RSPH14: variants seen among roughly 807,000 people sequenced by gnomAD.
RSPH14 encodes the protein rhabdoid tumor deletion region gene 1.
RSPH14 carries 20 observed loss-of-function variants against 26.7 expected under a neutral mutation model. The observed-to-expected ratio is 0.75, with a 90% confidence interval of 0.53 to 1.09. The LOEUF (loss-of-function observed/expected upper bound fraction) is 1.09. Among genes scored for constraint, RSPH14 ranks in the 50% least tolerant of loss-of-function variants. RSPH14 has a pLI of 0.00. For missense variants in RSPH14, 449 were observed against 457.2 expected (o/e 0.98, Z 0.16); for synonymous variants, 177 against 189.3 (o/e 0.93, Z 0.53).
intron 4 of RSPH14, among the ~76,000 whole-genome samples, chr22:23,129,847 G>A (rs2146423430): frequency 6.6e-6 from 1 of 151,956 alleles, no homozygotes; most frequent in East Asian, 1.9e-4. Flanking sequence ...TTGAACCTGG[G>A]AGGTGGAGTT....
chr22:23,172,660 A>T, the RSPH14 span, among the ~76,000 whole-genome samples: 1 of 148,654 alleles, frequency 6.7e-6, no homozygotes, highest in Non-Finnish European at 1.5e-5. Context: ...CTCAAAAAAA[A>T]AAAAAAAGAC....
intron 4 of RSPH14, among the ~76,000 whole-genome samples, chr22:23,070,071 A>C (rs952680013): frequency 6.6e-6 from 1 of 152,068 alleles, no homozygotes. Flanking sequence ...AGCGCAGCGG[A>C]GTCGGTGGAA....
Position 23,063,948 on chromosome 22 carries a change from T to G in RSPH14, c.607A>C (p.Asn203His). The G allele has an allele frequency of 6.2e-7, 1 of 1,614,168 alleles. No homozygotes were observed. The highest frequency in any genetic ancestry group is 2.2e-5 in the East Asian group (1 of 44,874). The change falls in exon 5 of 7, where the codon AAC (asparagine) becomes CAC (histidine). Residue 203 changes from asparagine (N) to histidine (H), a missense_variant. Physicochemically the swap from Asn to His is moderately conservative, Grantham distance 68 (BLOSUM62 1). Transcript: ENST00000216036. ...GCGGCCTTGCTGCGGATGTTCTGGTTGGCGCTGAGGAGCTTCTGCTTCAGG... is the reference window on the plus strand; with the variant it reads ...GCGGCCTTGCTGCGGATGTTCTGGTGGGCGCTGAGGAGCTTCTGCTTCAGG... Reference protein sequence around the residue: ...LVLKQKLLSANQNIRSKAARA... With the variant: ...LVLKQKLLSAHQNIRSKAARA...
upstream of RSPH14, among the ~76,000 whole-genome samples, chr22:23,144,092 CAAAAAAAAAA>C (rs35499128): frequency 4.1e-5 from 1 of 24,146 alleles, no homozygotes. Flanking sequence ...GACTCCATCT[CAAAAAAAAAA>C]AAAAAAAAAA....
At chr22:23,088,280 C>T (rs928416232) in intron 4 of RSPH14, among the ~76,000 whole-genome samples, 1 of 152,158 alleles carries the variant, frequency 6.6e-6, no homozygotes, top group Non-Finnish European at 1.5e-5. Flanking sequence ...CCTGCTGGTC[C>T]CTGCATGCTC....
chr22:23,158,104 C>T, the RSPH14 span: 1 of 1,602,218 alleles, frequency 6.2e-7, no homozygotes, highest in Non-Finnish European at 8.5e-7. Flanking sequence ...CCTGGAAGGG[C>T]TCCCAGACCC....
intron 6 of RSPH14, among the ~76,000 whole-genome samples, chr22:23,060,320 A>C (rs2068066819): frequency 6.6e-6 from 1 of 151,788 alleles, no homozygotes; most frequent in African/African-American, 2.4e-5. Flanking sequence ...AAATACAAAA[A>C]ATTAGCCGGG....
chr22:23,066,295 G>C (rs2068209923), intron 4 of RSPH14, among the ~76,000 whole-genome samples: 1 of 152,174 alleles, frequency 6.6e-6, no homozygotes, highest in African/African-American at 2.4e-5. Flanking sequence ...GCACAAGTTA[G>C]GGGAGGAATA....
intron 4 of RSPH14, among the ~76,000 whole-genome samples, chr22:23,109,702 A>G (rs1285582326): frequency 6.6e-6 from 1 of 152,218 alleles, no homozygotes; most frequent in Non-Finnish European, 1.5e-5. Flanking sequence ...AGATGCTCAC[A>G]GAACCACGGG....
intron 6 of RSPH14, among the ~76,000 whole-genome samples, chr22:23,060,455 G>GC (rs2068070209): frequency 6.6e-6 from 1 of 151,210 alleles, no homozygotes; most frequent in South Asian, 2.1e-4. Flanking sequence ...GGGCGACAGA[G>GC]CGAGACTCCA....
At chr22:23,113,232 C>T (rs748495031) in intron 4 of RSPH14, among the ~76,000 whole-genome samples, 3 of 152,226 alleles carry the variant, frequency 2.0e-5, no homozygotes, top group Non-Finnish European at 4.4e-5. Context: ...GGGGCCCCAG[C>T]GCCACCTGGC....
intron 4 of RSPH14, among the ~76,000 whole-genome samples, chr22:23,090,484 C>T (rs1254442419): frequency 6.6e-6 from 1 of 152,186 alleles, no homozygotes; most frequent in Admixed American, 6.5e-5. Flanking sequence ...GCTGGTCACA[C>T]AGGGCAGGTC....
chr22:23,159,829 C>T, the RSPH14 span, among the ~76,000 whole-genome samples: 2 of 152,248 alleles, frequency 1.3e-5, no homozygotes, highest in Non-Finnish European at 2.9e-5. Context: ...TACCCCTGGC[C>T]ATACTGGGTC....
chr22:23,105,048 T>C (rs1196307890), intron 4 of RSPH14, among the ~76,000 whole-genome samples: 1 of 152,244 alleles, frequency 6.6e-6, no homozygotes, highest in Non-Finnish European at 1.5e-5. Context: ...TCACACCTCG[T>C]GGTGGACATG....
chr22:23,138,511 G>A (rs971949634), intron 3 of RSPH14, among the ~76,000 whole-genome samples: 4 of 152,124 alleles, frequency 2.6e-5, no homozygotes, highest in Admixed American at 6.5e-5. Flanking sequence ...GCAGTGAGCT[G>A]AGATCGTGTC....
chr22:23,076,076 T>C (rs2068498738), intron 4 of RSPH14, among the ~76,000 whole-genome samples: 1 of 152,170 alleles, frequency 6.6e-6, no homozygotes, highest in Non-Finnish European at 1.5e-5. Context: ...AGGAGGAGGC[T>C]GTGCTGGAGG....
At chr22:23,098,191 T>G (rs557167344) in intron 4 of RSPH14, among the ~76,000 whole-genome samples, 179 of 152,390 alleles carry the variant, frequency 1.2e-3, no homozygotes, top group African/African-American at 4.1e-3. Context: ...CTAGCCGTGG[T>G]CAGCTTGTTT....
chr22:23,159,178 G>A, the RSPH14 span: 1 of 1,611,440 alleles, frequency 6.2e-7, no homozygotes, highest in Non-Finnish European at 8.5e-7. Context: ...GGCCGCATGT[G>A]AGCAGGCCGA....
At chr22:23,101,094 C>A (rs2069289470) in intron 4 of RSPH14, among the ~76,000 whole-genome samples, 1 of 152,168 alleles carries the variant, frequency 6.6e-6, no homozygotes, top group Non-Finnish European at 1.5e-5. Context: ...GAGGGAATTA[C>A]AAATGGGCAA....
Sources: gnomAD v4.1 joint callset for allele counts (sites outside exome capture counted in the v4.1 genomes callset) on GRCh38, gnomAD v4.1.1 for gene constraint, MANE v1.5 for transcripts, NCBI Gene and HGNC (gene_info 2026-07-23, HGNC 2026-07-21) for gene names.